Variants in YWHAQ observed in about 807,000 individuals in gnomAD.
The protein encoded by YWHAQ is 14-3-3 protein theta.
A neutral mutation model predicts 28.3 loss-of-function variants in YWHAQ; 6 were observed. That is an observed-to-expected ratio of 0.21 (90% CI 0.12 to 0.42). YWHAQ has a LOEUF of 0.42. Among genes scored for constraint, YWHAQ ranks in the 10% least tolerant of loss-of-function variants. The pLI is 1.00. For missense variants in YWHAQ, 201 were observed against 305.6 expected, an observed-to-expected ratio of 0.66 and a Z score of 2.55; for synonymous variants, 143 against 119.1, an observed-to-expected ratio of 1.20 and a Z score of -1.31.
intron 2 of YWHAQ, among the ~76,000 whole-genome samples, chr2:9,600,009 T>C (rs1375422273): frequency 1.3e-5 from 2 of 152,198 alleles, no homozygotes; most frequent in African/African-American, 2.4e-5. Flanking sequence ...ATATTAACAT[T>C]AACAACAGTT....
chr2:9,609,139 G>A (rs1229312835), intron 2 of YWHAQ, among the ~76,000 whole-genome samples: 7 of 152,090 alleles, frequency 4.6e-5, no homozygotes, highest in Non-Finnish European at 1.0e-4. Flanking sequence ...GGTTACTACA[G>A]GATTTTCTTC....
intron 2 of YWHAQ, among the ~76,000 whole-genome samples, chr2:9,605,399 T>C (rs1216514180): frequency 4.6e-5 from 7 of 152,190 alleles, no homozygotes; most frequent in African/African-American, 1.4e-4. Flanking sequence ...CCTCTCAAAG[T>C]GCTGGGATTA....
chr2:9,605,940 A>C (rs1258599975), intron 2 of YWHAQ, among the ~76,000 whole-genome samples: 1 of 152,178 alleles, frequency 6.6e-6, no homozygotes, highest in Non-Finnish European at 1.5e-5. Flanking sequence ...CACACTACAC[A>C]TTATTCTACA....
chr2:9,613,747 G>A (rs1375335446), intron 2 of YWHAQ, among the ~76,000 whole-genome samples: 1 of 152,188 alleles, frequency 6.6e-6, no homozygotes, highest in African/African-American at 2.4e-5. Flanking sequence ...GTGTCTTACA[G>A]GGAAAGGGAC....
Position 9,591,479 on chromosome 2 carries a change from T to G in YWHAQ, c.331A>C (p.Asn111His). 6.2e-7 allele frequency: 1 copy of G among 1,610,892 alleles called. No homozygotes were observed. Among genetic ancestry groups the G allele is most frequent in the Non-Finnish European group, 8.5e-7 (1 of 1,177,602 alleles). The change falls in exon 3 of 6, where the codon AAT becomes CAT. Residue 111 changes from asparagine (N) to histidine (H), a missense_variant. Transcript: ENST00000238081. Reference sequence around the variant, plus strand: ...AGATAGAAGACCTTACTCTCTGGATTAGTTGCATTGGCTATTAAATATTTA... The same window carrying G: ...AGATAGAAGACCTTACTCTCTGGATGAGTTGCATTGGCTATTAAATATTTA... Reference protein sequence around the residue: ...LDKYLIANATNPESKVFYLKM... With the variant: ...LDKYLIANATHPESKVFYLKM...
At chr2:9,593,380 T>G (rs1572988159) in intron 2 of YWHAQ, among the ~76,000 whole-genome samples, 1 of 152,110 alleles carries the variant, frequency 6.6e-6, no homozygotes, top group African/African-American at 2.4e-5. Context: ...AGCTTACTTT[T>G]GTATTTTTAG....
At chr2:9,619,269 C>G (rs1212274379) in intron 2 of YWHAQ, among the ~76,000 whole-genome samples, 2 of 152,126 alleles carry the variant, frequency 1.3e-5, no homozygotes, top group Non-Finnish European at 2.9e-5. Context: ...GAAGGATCAC[C>G]TTCCAGAGAT....
Position 9,624,459 on chromosome 2 carries a change from C to T in YWHAQ, c.294+5700G>A, listed in dbSNP as rs539189695. Among the ~76,000 whole-genome samples, 3 of 152,232 alleles carry T rather than the reference C, an allele frequency of 2.0e-5. No homozygotes were observed. In the East Asian group the frequency reaches 5.8e-4, roughly 29 times the overall value. ...GACAGCATGACACAATCCAATACAA[C>T]TTAATACAGCTCATTTTATTTATGG... On this transcript the variant is annotated intron_variant, in intron 2 of 5. Transcript: ENST00000238081.
At position 9,630,267 on chromosome 2, in the gene YWHAQ, G is replaced by C. The variant is rs768534041; in HGVS notation, c.186C>G (p.Ile62Met). Residue 62 changes from isoleucine to methionine, a missense_variant, in exon 2 of 6, where the codon ATC becomes ATG. Ile to Met is a conservative substitution (Grantham distance 10). Transcript: ENST00000238081. The surrounding 1 kb of genome is among the most constrained non-coding windows in gnomAD (Gnocchi z 5.6). ...VGGRRSAWRV[I>M]SSIEQKTDTS... is the part of the protein sequence containing the mutation. Reference sequence around the variant, plus strand: ...TGTCGGTCTTCTGCTCGATGCTAGAGATGACCCTCCAGGCGGACCTGCGGC... The same window carrying C: ...TGTCGGTCTTCTGCTCGATGCTAGACATGACCCTCCAGGCGGACCTGCGGC... The C allele has an allele frequency of 6.2e-7, 1 of 1,614,168 alleles. No homozygotes were observed. Among genetic ancestry groups the C allele is most frequent in the South Asian group, 1.1e-5 (1 of 91,092 alleles).
intron 2 of YWHAQ, among the ~76,000 whole-genome samples, chr2:9,619,588 T>C (rs747475947): frequency 6.6e-6 from 1 of 151,914 alleles, no homozygotes; most frequent in Non-Finnish European, 1.5e-5. Flanking sequence ...GAGTTACATG[T>C]AAAAAAATTA....
chr2:9,600,692 C>T (rs763506604), intron 2 of YWHAQ, among the ~76,000 whole-genome samples: 26 of 151,230 alleles, frequency 1.7e-4, no homozygotes, highest in Non-Finnish European at 3.1e-4. Context: ...GCAACAAGAG[C>T]GAAACTCTGT....
At chr2:9,597,526 A>T (rs1241957502) in intron 2 of YWHAQ, among the ~76,000 whole-genome samples, 1 of 151,450 alleles carries the variant, frequency 6.6e-6, no homozygotes, top group Non-Finnish European at 1.5e-5. Context: ...GGCACCTGTA[A>T]TCCCAGCTAC....
intron 2 of YWHAQ, among the ~76,000 whole-genome samples, chr2:9,618,594 C>T (rs560022209): frequency 2.9e-4 from 44 of 152,172 alleles, no homozygotes; most frequent in African/African-American, 9.4e-4. Context: ...GCAGCCTAAA[C>T]CTCCTGGGCT....
intron 2 of YWHAQ, among the ~76,000 whole-genome samples, chr2:9,595,827 T>C (rs1666559042): frequency 6.6e-6 from 1 of 152,186 alleles, no homozygotes; most frequent in African/African-American, 2.4e-5. Flanking sequence ...GCAAATTTTA[T>C]TATCTTGGGA....
At chr2:9,618,897 T>C (rs1667087428) in intron 2 of YWHAQ, among the ~76,000 whole-genome samples, 1 of 152,014 alleles carries the variant, frequency 6.6e-6, no homozygotes, top group African/African-American at 2.4e-5. Flanking sequence ...AAATGAGAAA[T>C]AGTTCAGGGC....
At chr2:9,621,475 A>T (rs1667142042) in intron 2 of YWHAQ, among the ~76,000 whole-genome samples, 1 of 152,186 alleles carries the variant, frequency 6.6e-6, no homozygotes, top group African/African-American at 2.4e-5. Context: ...AATTACAGTG[A>T]ACACCCCCAC....
At position 9,597,634 on chromosome 2, in the gene YWHAQ, C is replaced by CAAA. The variant is rs562319001; in HGVS notation, c.295-6122_295-6120dup. ...TGGGCAAAAGAGCGAAACTCCGTCT[C>CAAA]AAAAAAAAAAAAAAAAAAAGAAAAA... On this transcript the variant is annotated intron_variant, in intron 2 of 5. Transcript: ENST00000238081. Among the ~76,000 whole-genome samples, 373 of 75,304 alleles carry CAAA rather than the reference C, an allele frequency of 5.0e-3. 8 individuals carry two copies. The highest frequency in any genetic ancestry group is 0.015 in the African/African-American group (348 of 22,928). 49.4% of individuals were successfully genotyped at this position (75,304 alleles called of 152,430 possible). A position where few individuals can be genotyped will look rare whatever the true frequency, so the allele number is the denominator to read the frequency against.
At chr2:9,626,031 T>C (rs540042142) in intron 2 of YWHAQ, among the ~76,000 whole-genome samples, 1 of 152,302 alleles carries the variant, frequency 6.6e-6, no homozygotes, top group South Asian at 2.1e-4. Flanking sequence ...TAAACACAAC[T>C]AAATTCAAGC....
intron 2 of YWHAQ, among the ~76,000 whole-genome samples, chr2:9,596,648 T>C (rs1034096432): frequency 2.0e-5 from 3 of 152,166 alleles, no homozygotes; most frequent in East Asian, 1.9e-4. Context: ...AGCATATTAA[T>C]AGACCCTAAA....
Sources: allele counts gnomAD v4.1 joint callset (sites outside exome capture counted in the v4.1 genomes callset), GRCh38; gene constraint gnomAD v4.1.1; non-coding constraint Gnocchi (gnomAD v3.1); transcripts MANE v1.5; gene names NCBI Gene and HGNC (gene_info 2026-07-23, HGNC 2026-07-21).